IL1RAPL2: variants seen among roughly 807,000 people sequenced by gnomAD.
IL1RAPL2 encodes interleukin 1 receptor accessory protein like 2, also known as X-linked interleukin-1 receptor accessory protein-like 2.
IL1RAPL2 carries 3 observed loss-of-function variants against 44.1 expected under a neutral mutation model. The ratio of observed to expected loss-of-function variants is 0.07; its 90% CI spans 0.03 to 0.18. The LOEUF is 0.18. Ranked by LOEUF, IL1RAPL2 falls within the 10% of genes least tolerant of loss-of-function variation. The pLI is 1.00. For missense variants in IL1RAPL2, 391 were observed against 496.4 expected, an observed-to-expected ratio of 0.79 and a Z score of 2.02; for synonymous variants, 181 against 178.8, an observed-to-expected ratio of 1.01 and a Z score of -0.10.
intron 2 of IL1RAPL2, among the ~76,000 whole-genome samples, chrX:105,017,143 T>G (rs567256680): frequency 6.3e-5 from 7 of 111,511 alleles, no homozygotes; most frequent in African/African-American, 2.3e-4. Flanking sequence ...CTGGGATCAG[T>G]GGTGATATCC....
chrX:105,241,394 G>A (rs985475279), intron 4 of IL1RAPL2, among the ~76,000 whole-genome samples: 2 of 111,571 alleles, frequency 1.8e-5, no homozygotes, highest in Non-Finnish European at 1.9e-5. Flanking sequence ...TCTGTCTCTT[G>A]TCTTTCCCTT....
At chrX:104,579,992 G>A (rs1441181654) in intron 1 of IL1RAPL2, among the ~76,000 whole-genome samples, 1 of 111,152 alleles carries the variant, frequency 9.0e-6, no homozygotes, top group South Asian at 3.8e-4. Context: ...TGATGTGCAG[G>A]ACTCCTAATT....
At chrX:105,199,920 A>G (rs1022780674) in intron 3 of IL1RAPL2, among the ~76,000 whole-genome samples, 12 of 111,782 alleles carry the variant, frequency 1.1e-4, no homozygotes, top group Non-Finnish European at 1.9e-4. Flanking sequence ...ACATAAATCT[A>G]TTCCAGGTAT....
intron 2 of IL1RAPL2, among the ~76,000 whole-genome samples, chrX:104,925,315 C>CA (rs1924749989): frequency 9.1e-6 from 1 of 109,291 alleles, no homozygotes. Context: ...GAAACTATTC[C>CA]AAAAAAATCG....
intron 6 of IL1RAPL2, among the ~76,000 whole-genome samples, chrX:105,524,308 A>G (rs2036580859): frequency 9.0e-6 from 1 of 111,081 alleles, no homozygotes; most frequent in Non-Finnish European, 1.9e-5. Context: ...GAAGTCTGCA[A>G]TACATGATAT....
chrX:105,035,508 T>A (rs891712283), intron 2 of IL1RAPL2, among the ~76,000 whole-genome samples: 2 of 112,237 alleles, frequency 1.8e-5, no homozygotes, highest in Non-Finnish European at 3.8e-5. Context: ...AGCCAGAGTC[T>A]ACAGTTCACA....
At chrX:104,948,580 G>A (rs1925464376) in intron 2 of IL1RAPL2, among the ~76,000 whole-genome samples, 1 of 109,587 alleles carries the variant, frequency 9.1e-6, no homozygotes, top group African/African-American at 3.3e-5. Context: ...TTATTATTTT[G>A]AAATACGTCC....
At chrX:104,838,843 CTTTCTTTTTT>C (rs1417998289) in intron 2 of IL1RAPL2, among the ~76,000 whole-genome samples, 13 of 38,016 alleles carry the variant, frequency 3.4e-4, no homozygotes, top group Non-Finnish European at 6.6e-4. Context: ...TTCTTTCTTT[CTTTCTTTTTT>C]TTTTTTTTTT....
At chrX:104,674,890 G>A (rs1230307897) in intron 2 of IL1RAPL2, among the ~76,000 whole-genome samples, 4 of 111,869 alleles carry the variant, frequency 3.6e-5, no homozygotes, top group Non-Finnish European at 5.6e-5. Flanking sequence ...TTGCGTAGAG[G>A]TGTTTGTAGT....
intron 5 of IL1RAPL2, among the ~76,000 whole-genome samples, chrX:105,416,367 T>G (rs2035733265): frequency 8.9e-6 from 1 of 111,962 alleles, no homozygotes; most frequent in African/African-American, 3.2e-5. Context: ...TCTGCCTCTG[T>G]GCCTTGTCTA....
At chrX:104,749,986 G>C (rs1447569266) in intron 2 of IL1RAPL2, among the ~76,000 whole-genome samples, 2 of 111,666 alleles carry the variant, frequency 1.8e-5, no homozygotes, top group Non-Finnish European at 3.8e-5. Flanking sequence ...TGACTGACTA[G>C]GAAAAAGGCA....
intron 2 of IL1RAPL2, among the ~76,000 whole-genome samples, chrX:104,811,886 G>A (rs1170578397): frequency 1.8e-5 from 2 of 111,080 alleles, no homozygotes; most frequent in South Asian, 7.7e-4. Context: ...ACTGAACGCT[G>A]TTTGTGGCAG....
At chrX:104,583,099 G>T (rs1467568949) in intron 1 of IL1RAPL2, among the ~76,000 whole-genome samples, 1 of 108,026 alleles carries the variant, frequency 9.3e-6, no homozygotes, top group Non-Finnish European at 1.9e-5. Context: ...TGTTGGTCAG[G>T]CTGGTCTAAA....
intron 2 of IL1RAPL2, among the ~76,000 whole-genome samples, chrX:104,679,619 T>G (rs771299494): frequency 1.5e-4 from 17 of 112,159 alleles, no homozygotes; most frequent in Non-Finnish European, 2.4e-4. Context: ...TTTCATGGAT[T>G]TTATTAGAAA....
At chrX:105,086,260 T>TACACACACACAC (rs57243276) in intron 2 of IL1RAPL2, among the ~76,000 whole-genome samples, 1,203 of 107,778 alleles carry the variant, frequency 0.011, 24 homozygotes, top group African/African-American at 0.039. Flanking sequence ...GAAAATGTGA[T>TACACACACACAC]ACACACACAC....
chrX:104,792,271 C>T (rs376015274), intron 2 of IL1RAPL2, among the ~76,000 whole-genome samples: 5 of 110,719 alleles, frequency 4.5e-5, no homozygotes, highest in African/African-American at 1.6e-4. Flanking sequence ...TGGGGCACAA[C>T]GATATTATGT....
chrX:105,088,310 G>T (rs1198867465), intron 2 of IL1RAPL2, among the ~76,000 whole-genome samples: 1 of 111,834 alleles, frequency 8.9e-6, no homozygotes, highest in Non-Finnish European at 1.9e-5. Flanking sequence ...ATTTGTAATT[G>T]TAATCACTAT....
chrX:104,931,623 A>G (rs1264605140), intron 2 of IL1RAPL2, among the ~76,000 whole-genome samples: 1 of 111,653 alleles, frequency 9.0e-6, no homozygotes, highest in Non-Finnish European at 1.9e-5. Context: ...AAAGATAGAA[A>G]AATACTCTGA....
intron 6 of IL1RAPL2, among the ~76,000 whole-genome samples, chrX:105,644,210 A>G (rs1437505867): frequency 9.0e-6 from 1 of 111,412 alleles, no homozygotes; most frequent in Non-Finnish European, 1.9e-5. Flanking sequence ...TGATTTTAAA[A>G]TGTCAGAACT....
Sources: allele counts gnomAD v4.1 joint callset (sites outside exome capture counted in the v4.1 genomes callset), GRCh38; gene constraint gnomAD v4.1.1; transcripts MANE v1.5; gene names NCBI Gene and HGNC (gene_info 2026-07-23, HGNC 2026-07-21).